SLX4: variants seen among roughly 807,000 people sequenced by gnomAD.
SLX4 encodes the protein SLX4 structure-specific endonuclease subunit, also known as structure-specific endonuclease subunit SLX4.
In SLX4, 112 loss-of-function variants were observed where a neutral mutation model predicts 146.2. The ratio of observed to expected loss-of-function variants is 0.77; its 90% CI spans 0.66 to 0.90. SLX4 has a LOEUF of 0.90. Ranked by LOEUF, SLX4 falls within the 40% of genes least tolerant of loss-of-function variation. The probability of loss-of-function intolerance (pLI) is 0.00; values close to 1 mark genes in which losing one functional copy is unlikely to be tolerated. For missense variants in SLX4, 2,563 were observed against 2,392.7 expected, an observed-to-expected ratio of 1.07 and a Z score of -1.49; for synonymous variants, 1,061 against 997.7, an observed-to-expected ratio of 1.06 and a Z score of -1.20.
At position 3,601,038 on chromosome 16, in the gene SLX4, A is replaced by G; in HGVS notation, c.1104T>C (p.Leu368=). The part of the protein sequence containing the change: ...VKMEVGPQLL[L]QAVRLQTAQP... ...GTGCTGTCTGCAGCCGCACAGCCTG[A>G]AGCAGGAGCTGGGGGCCAACCTCCA... is the stretch of plus-strand genomic sequence containing the variant. The change falls in exon 5 of 15, where the codon CTT becomes CTC. Residue 368 remains leucine, a synonymous_variant. Transcript: ENST00000294008. 1 of 1,613,866 alleles carries G rather than the reference A, an allele frequency of 6.2e-7. No individual in the cohort carries two copies. Among genetic ancestry groups the G allele is most frequent in the Non-Finnish European group, 8.5e-7 (1 of 1,180,000 alleles).
In SLX4 at chr16:3,591,046, A is replaced by C; in HGVS notation, c.2592T>G (p.Leu864=). The C allele has an allele frequency of 1.2e-6, 2 of 1,614,126 alleles. No homozygotes were observed. The highest frequency in any genetic ancestry group is 2.7e-5 in the African/African-American group (2 of 75,034). The change falls in exon 12 of 15, where the codon CTT becomes CTG. Residue 864 remains leucine (L), a synonymous_variant. Transcript: ENST00000294008. The part of the protein sequence containing the change: ...IYEFAATQRK[L]LQEERAAGAG... ...CACCCGCTGCCCTTTCTTCCTGGAG[A>C]AGCTTTCGCTGAGTAGCTGCAAATT...
chr16:3,598,102 C>T (rs779151477), intron 5 of SLX4, 103 bp from the exon 6 acceptor site: 66 of 1,350,840 alleles, frequency 4.9e-5, no homozygotes, highest in Non-Finnish European at 6.0e-5. Context: ...AGAAAAGTGA[C>T]GGATGTGGAC....
chr16:3,608,883 G>A lies in SLX4; in HGVS notation c.82C>T (p.Pro28Ser). 1 of 1,614,080 alleles carries A rather than the reference G, an allele frequency of 6.2e-7. No homozygotes were observed. Among genetic ancestry groups the A allele is most frequent in the South Asian group, 1.1e-5 (1 of 91,068 alleles). Residue 28 changes from proline (P) to serine (S), a missense_variant, in exon 2 of 15, where the codon CCT becomes TCT. By Grantham distance (74) the Pro-to-Ser change is moderately conservative (BLOSUM62 -1). Coordinates refer to ENST00000294008, the MANE Select transcript of SLX4 (RefSeq NM_032444.4). ...TCAGGCTGGTCTTCAGAGGAGCGAG[G>A]GTCAATCCCAGGACAGGCAGACAGA... Reference protein sequence around the residue: ...SHLSACPGIDPRSSEDQPESL... With the variant: ...SHLSACPGIDSRSSEDQPESL...
At chr16:3,587,975 C>G (rs934126653) in intron 12 of SLX4, among the ~76,000 whole-genome samples, 1 of 152,196 alleles carries the variant, frequency 6.6e-6, no homozygotes, top group African/African-American at 2.4e-5. Flanking sequence ...GGCTCTGACT[C>G]TCCCCGGGGA....
intron 13 of SLX4, 149 bp from the exon 14 acceptor site, chr16:3,583,659 G>A (rs1398737610): frequency 2.4e-6 from 2 of 848,722 alleles, no homozygotes; most frequent in East Asian, 2.6e-5. Flanking sequence ...GAGCATCAGA[G>A]GTTAGTGTCT....
At position 3,597,353 on chromosome 16, in the gene SLX4, C is replaced by T; in HGVS notation, c.1683+26G>A. 4.6e-6 allele frequency: 7 copies of T among 1,508,936 alleles called. No homozygotes were observed. Among genetic ancestry groups the T allele is most frequent in the Non-Finnish European group, 5.3e-6 (6 of 1,125,040 alleles). The allele number at this position is 1,508,936 out of a possible 1,614,324, so 93.5% of individuals were successfully genotyped here. On this transcript the variant is annotated intron_variant, in intron 7 of 14. Transcript: ENST00000294008. This position sits in a 1 kb window ranked among gnomAD's most constrained non-coding sequence, Gnocchi z 4.4. ...TTGCCAACCTCCCCCAAAAGCCTAT[C>T]CATGTGCCTGAGGGGAGGGACTCAC...
In SLX4 at chr16:3,606,697, C is replaced by A. The variant is rs758789462; in HGVS notation, c.537G>T (p.Glu179Asp). 3.4e-4 allele frequency: 544 copies of A among 1,613,938 alleles called. No homozygotes were observed. Among genetic ancestry groups the A allele is most frequent in the Non-Finnish European group, 4.3e-4 (511 of 1,180,022 alleles). Residue 179 changes from glutamate (E) to aspartate (D), a missense_variant and splice_region_variant, in exon 3 of 15, where the codon GAG becomes GAT. Transcript: ENST00000294008. ...SPNLSREKTRENVPNSDSQPP... is the reference protein window; with the variant it reads ...SPNLSREKTRDNVPNSDSQPP... The stretch of plus-strand genomic sequence containing the variant: ...GCTGGGAGTCGCTGTTGGGCACATT[C>A]TCTGGCAAGGAGGAAAATATTCACA...
Position 3,589,481 on chromosome 16 carries a change from T to C in SLX4, c.4157A>G (p.Gln1386Arg), listed in dbSNP as rs774060802. ...HSPPGPSFLNQTPAGEVVEVG... is the reference protein window; with the variant it reads ...HSPPGPSFLNRTPAGEVVEVG... ...TTCCACCACTTCACCCGCTGGGGTC[T>C]GGTTCAGGAAGCTTGGCCCAGGCGG... Residue 1386 changes from glutamine to arginine, a missense_variant, in exon 12 of 15, where the codon CAG becomes CGG. Transcript: ENST00000294008. The surrounding 1 kb of genome is among the most constrained non-coding windows in gnomAD (Gnocchi z 6.2). 14 of 1,609,248 alleles carry C rather than the reference T, an allele frequency of 8.7e-6. No homozygotes were observed. The Admixed American group carries it at 1.0e-4, about 12-fold the overall frequency.
At chr16:3,610,350 C>T (rs2040842105) in intron 1 of SLX4, among the ~76,000 whole-genome samples, 1 of 152,296 alleles carries the variant, frequency 6.6e-6, no homozygotes, top group South Asian at 2.1e-4. Flanking sequence ...CGTCTCCATC[C>T]CCGTTAATCC....
chr16:3,595,865 C>G (rs1013245126), intron 8 of SLX4, among the ~76,000 whole-genome samples, 172 bp from the exon 9 acceptor site: 1 of 152,198 alleles, frequency 6.6e-6, no homozygotes, highest in East Asian at 1.9e-4. Flanking sequence ...CACCACCACT[C>G]CACCAGGGAG....
At chr16:3,602,067 G>A in intron 4 of SLX4, 51 bp downstream of exon 4, 1 of 1,611,720 alleles carries the variant, frequency 6.2e-7, no homozygotes, top group Non-Finnish European at 8.5e-7. Context: ...TGGGGTGCTT[G>A]GGGATTCTGG....
intron 2 of SLX4, 134 bp downstream of exon 2, chr16:3,608,296 C>T (rs1377722718): frequency 1.7e-5 from 16 of 935,704 alleles, no homozygotes; most frequent in South Asian, 1.1e-4. Flanking sequence ...ATATTGTCCA[C>T]GCCTGCTTTC....
At chr16:3,595,932 C>T (rs2040647369) in intron 8 of SLX4, among the ~76,000 whole-genome samples, 1 of 152,252 alleles carries the variant, frequency 6.6e-6, no homozygotes, top group African/African-American at 2.4e-5. Flanking sequence ...TGTGGGCAGA[C>T]AGCTCTGTCT....
chr16:3,583,804 G>A (rs1437820572), intron 13 of SLX4, among the ~76,000 whole-genome samples: 1 of 151,624 alleles, frequency 6.6e-6, no homozygotes, highest in African/African-American at 2.4e-5. Flanking sequence ...GGAGTTCAAG[G>A]CCAGCCTGGG....
chr16:3,583,659 G>C, intron 13 of SLX4, 149 bp from the exon 14 acceptor site: 1 of 848,724 alleles, frequency 1.2e-6, no homozygotes, highest in Non-Finnish European at 1.9e-6. Flanking sequence ...GAGCATCAGA[G>C]GTTAGTGTCT....
In SLX4 at chr16:3,608,899, G is replaced by C. The variant is rs774837514; in HGVS notation, c.66C>G (p.Ala22=). Residue 22 remains alanine (A), a synonymous_variant, in exon 2 of 15, where the codon GCC becomes GCG. Coordinates refer to ENST00000294008, the MANE Select transcript of SLX4 (RefSeq NM_032444.4). ...AGGAGCGAGGGTCAATCCCAGGACAGGCAGACAGATGAGAAAGTGAACCCA... is the reference window on the plus strand; with the variant it reads ...AGGAGCGAGGGTCAATCCCAGGACACGCAGACAGATGAGAAAGTGAACCCA... The part of the protein sequence containing the change: ...FYLGSLSHLS[A]CPGIDPRSSE... The C allele has an allele frequency of 6.2e-7, 1 of 1,614,168 alleles. No homozygotes were observed. The highest frequency in any genetic ancestry group is 1.1e-5 in the South Asian group (1 of 91,082).
chr16:3,596,857 T>C (rs1201088750), intron 7 of SLX4, among the ~76,000 whole-genome samples: 3 of 151,688 alleles, frequency 2.0e-5, no homozygotes, highest in African/African-American at 7.3e-5. Flanking sequence ...GAGTCTCACT[T>C]TGTTGCCCAG....
chr16:3,584,731 A>G (rs764177880), intron 13 of SLX4, 38 bp downstream of exon 13: 14 of 1,506,198 alleles, frequency 9.3e-6, no homozygotes, highest in Admixed American at 1.7e-5. Flanking sequence ...TGGGAGGGAA[A>G]AGACCACTGT....
In SLX4 at chr16:3,582,210, G is replaced by A. The variant is rs2040443851; in HGVS notation, c.*132C>T. ...GGGCTGTGGTCATCATCACAGCGCA[G>A]AGCTGATGTGGTCCCCAGGCCCAGA... On this transcript the variant is annotated 3_prime_UTR_variant, in exon 15 of 15. Coordinates refer to ENST00000294008, the MANE Select transcript of SLX4 (RefSeq NM_032444.4). 1.4e-6 allele frequency: 1 copy of A among 724,914 alleles called. No individual in the cohort carries two copies. Among genetic ancestry groups the A allele is most frequent in the Non-Finnish European group, 2.3e-6 (1 of 427,062 alleles). 44.9% of individuals were successfully genotyped at this position (724,914 alleles called of 1,614,324 possible). A position where few individuals can be genotyped will look rare whatever the true frequency, so the allele number is the denominator to read the frequency against.
Sources: gnomAD v4.1 joint callset for allele counts (sites outside exome capture counted in the v4.1 genomes callset) on GRCh38, gnomAD v4.1.1 for gene constraint, Gnocchi (gnomAD v3.1) non-coding constraint, MANE v1.5 for transcripts, NCBI Gene and HGNC (gene_info 2026-07-23, HGNC 2026-07-21) for gene names.